SEL1L: variants seen among roughly 807,000 people sequenced by gnomAD.
SEL1L encodes SEL1L adaptor subunit of SYVN1 ubiquitin ligase, also known as protein sel-1 homolog 1.
SEL1L carries 52 observed loss-of-function variants against 109.8 expected under a neutral mutation model. That is an observed-to-expected ratio of 0.47 (90% confidence interval 0.38 to 0.60). SEL1L has a LOEUF of 0.60. Ranked by LOEUF, SEL1L falls within the 20% of genes least tolerant of loss-of-function variation. SEL1L has a pLI of 0.00. For synonymous variants in SEL1L, 373 were observed against 339.6 expected (o/e 1.10, Z -1.08); for missense variants, 749 against 962.2 (o/e 0.78, Z 2.93).
chr14:81,507,020 A>G (rs376324156), intron 3 of SEL1L, among the ~76,000 whole-genome samples: 17 of 152,202 alleles, frequency 1.1e-4, no homozygotes, highest in East Asian at 7.7e-4. Flanking sequence ...GTGCAGGAGT[A>G]GCAGTGAATG....
chr14:81,495,134 C>A lies in SEL1L; in HGVS notation c.1132G>T (p.Gly378Cys). Residue 378 changes from glycine to cysteine, a missense_variant, in exon 11 of 21, where the codon GGT (glycine) becomes TGT (cysteine). By Grantham distance (159) the Gly-to-Cys change is radical. This residue lies in a region of SEL1L where 383 missense variants were observed against 562.5 expected (regional missense o/e 0.68). Transcript: ENST00000336735. ...CCGTGCAGGTGCAGTTGTCCAAGAC[C>A]AACCTGAAAATGATCACAAACAAGG... ...AEKGDVQAQV[G>C]LGQLHLHGGR... The A allele has an allele frequency of 6.2e-7, 1 of 1,613,936 alleles. No homozygotes were observed. Among genetic ancestry groups the A allele is most frequent in the Non-Finnish European group, 8.5e-7 (1 of 1,179,902 alleles).
At chr14:81,516,419 T>C (rs1884703979) in intron 3 of SEL1L, among the ~76,000 whole-genome samples, 1 of 152,214 alleles carries the variant, frequency 6.6e-6, no homozygotes, top group Admixed American at 6.5e-5. Flanking sequence ...CATGCCTTTG[T>C]TATGCCTGGA....
chr14:81,522,262 T>C (rs1411602768), intron 3 of SEL1L, among the ~76,000 whole-genome samples: 1 of 152,186 alleles, frequency 6.6e-6, no homozygotes, highest in African/African-American at 2.4e-5. Context: ...TTATAAAAGT[T>C]TACAGTGGTG....
At chr14:81,510,848 A>G (rs941655355) in intron 3 of SEL1L, among the ~76,000 whole-genome samples, 1 of 152,194 alleles carries the variant, frequency 6.6e-6, no homozygotes, top group Non-Finnish European at 1.5e-5. Context: ...CCTCAAGACA[A>G]CTGTCATAGT....
At chr14:81,480,728 A>T (rs118021816) in intron 19 of SEL1L, among the ~76,000 whole-genome samples, 3 of 152,286 alleles carry the variant, frequency 2.0e-5, no homozygotes, top group Non-Finnish European at 4.4e-5. Flanking sequence ...CAAAAAAAGA[A>T]ACAGATTTTA....
chr14:81,477,080 T>C lies in SEL1L; in HGVS notation c.2277A>G (p.Ile759Met), dbSNP rs538641162. 1.9e-6 allele frequency: 3 copies of C among 1,614,162 alleles called. No individual in the cohort carries two copies. The highest frequency in any genetic ancestry group is 2.5e-6 in the Non-Finnish European group (3 of 1,180,024). The change falls in exon 21 of 21, where the codon ATA (isoleucine) becomes ATG (methionine). Residue 759 changes from isoleucine to methionine, a missense_variant. By Grantham distance (10) the Ile-to-Met change is conservative. Coordinates refer to ENST00000336735, the MANE Select transcript of SEL1L (RefSeq NM_005065.6). ...TIIALLLGTV[I>M]AYRQRQHQDM... Reference sequence around the variant, plus strand: ...CTTGGTGCTGCCTTTGCCTGTAAGCTATGACTGTTCCCAACAGCAGCGCAA... The same window carrying C: ...CTTGGTGCTGCCTTTGCCTGTAAGCCATGACTGTTCCCAACAGCAGCGCAA...
In SEL1L at chr14:81,514,908, C is replaced by T. The variant is rs193025325; in HGVS notation, c.341-8667G>A. On this transcript the variant is annotated intron_variant, in intron 3 of 20. Transcript: ENST00000336735. ...AGGGAAGTATCAATTACAATACTAT[C>T]TTGCAGCTTGACCTTTTCTGTAAGA... 1.1e-4 allele frequency among the ~76,000 whole-genome samples: 17 copies of T among 152,326 alleles called. No homozygotes were observed. In the East Asian group the frequency reaches 3.3e-3, roughly 29 times the overall value.
intron 3 of SEL1L, among the ~76,000 whole-genome samples, chr14:81,520,541 A>C (rs769809749): frequency 5.9e-5 from 9 of 152,222 alleles, no homozygotes; most frequent in Non-Finnish European, 1.2e-4. Flanking sequence ...AACACAAAAG[A>C]AGCAAAAACT....
chr14:81,528,242 G>A (rs1469742400), intron 1 of SEL1L, among the ~76,000 whole-genome samples: 1 of 152,100 alleles, frequency 6.6e-6, no homozygotes, highest in South Asian at 2.1e-4. Flanking sequence ...ATTATTATTT[G>A]ATAGCAGAGT....
At chr14:81,488,305 C>A (rs189717264) in intron 14 of SEL1L, among the ~76,000 whole-genome samples, 4 of 152,264 alleles carry the variant, frequency 2.6e-5, no homozygotes, top group African/African-American at 7.2e-5. Flanking sequence ...AAAATTATCT[C>A]CTTATTCATT....
intron 3 of SEL1L, among the ~76,000 whole-genome samples, chr14:81,514,915 C>T (rs1270142844): frequency 6.6e-6 from 1 of 152,152 alleles, no homozygotes; most frequent in Non-Finnish European, 1.5e-5. Flanking sequence ...TATCTTGCAG[C>T]TTGACCTTTT....
intron 1 of SEL1L, among the ~76,000 whole-genome samples, chr14:81,528,891 G>A (rs1726780454): frequency 1.3e-5 from 2 of 152,098 alleles, no homozygotes; most frequent in African/African-American, 2.4e-5. Context: ...AAAGTACTGA[G>A]TTAAGACTAA....
At chr14:81,528,827 T>C (rs1885216186) in intron 1 of SEL1L, among the ~76,000 whole-genome samples, 1 of 152,158 alleles carries the variant, frequency 6.6e-6, no homozygotes, top group Non-Finnish European at 1.5e-5. Flanking sequence ...TAAATATCAT[T>C]TGTAATTTGC....
rs1903102829 is a variant in SEL1L at position 81,474,580 on chromosome 14, T to C, written c.*2392A>G. 6.6e-6 allele frequency: 1 copy of C among 152,208 alleles called. No individual in the cohort carries two copies. The highest frequency in any genetic ancestry group is 2.4e-5 in the African/African-American group (1 of 41,452). 9.4% of individuals were successfully genotyped at this position (152,208 alleles called of 1,614,324 possible). On this transcript the variant is annotated 3_prime_UTR_variant, in exon 21 of 21. Coordinates refer to ENST00000336735, the MANE Select transcript of SEL1L (RefSeq NM_005065.6). The stretch of plus-strand genomic sequence containing the variant: ...GGATGCCATTTGATTAGGTAAGTAT[T>C]GAGCATTATTTTAGGAGAAAAACCA...
At position 81,497,789 on chromosome 14, in the gene SEL1L, G is replaced by A. The variant is rs527430327; in HGVS notation, c.1128+103C>T. The A allele has an allele frequency of 3.8e-6, 4 of 1,046,932 alleles. No homozygotes were observed. In the South Asian group the frequency reaches 6.7e-5, roughly 17 times the overall value. The allele number at this position is 1,046,932 out of a possible 1,614,324, so 64.9% of individuals were successfully genotyped here. A position where few individuals can be genotyped will look rare whatever the true frequency, so the allele number is the denominator to read the frequency against. On this transcript the variant is annotated intron_variant, in intron 10 of 20. Coordinates refer to ENST00000336735, the MANE Select transcript of SEL1L (RefSeq NM_005065.6). The stretch of plus-strand genomic sequence containing the variant: ...AATATGTAGTTCATAATTGCTCAGG[G>A]CAATGAAAATGTAACTTACAGATAT...
chr14:81,500,502 C>T (rs753842854), intron 6 of SEL1L, among the ~76,000 whole-genome samples: 1 of 151,744 alleles, frequency 6.6e-6, no homozygotes, highest in Non-Finnish European at 1.5e-5. Flanking sequence ...TCCCAAAGTA[C>T]TGGGATTACA....
chr14:81,510,062 G>A (rs1018660727), intron 3 of SEL1L, among the ~76,000 whole-genome samples: 1 of 152,188 alleles, frequency 6.6e-6, no homozygotes, highest in Non-Finnish European at 1.5e-5. Flanking sequence ...GAGTCCTGAG[G>A]CAAGCTCATG....
chr14:81,499,137 T>C (rs1465736131), intron 8 of SEL1L: 12 of 1,042,446 alleles, frequency 1.2e-5, no homozygotes, highest in Non-Finnish European at 8.1e-6. Context: ...ATTTTTAAAA[T>C]TATGATAATC....
chr14:81,522,916 G>C (rs571937230), intron 3 of SEL1L, among the ~76,000 whole-genome samples: 11 of 152,290 alleles, frequency 7.2e-5, no homozygotes, highest in African/African-American at 2.6e-4. Context: ...GTTCAGTACA[G>C]TTGCAACCAC....
Sources: gnomAD v4.1 joint callset for allele counts (sites outside exome capture counted in the v4.1 genomes callset) on GRCh38, gnomAD v4.1.1 for gene constraint, gnomAD v4.1.1 regional missense constraint, MANE v1.5 for transcripts, NCBI Gene and HGNC (gene_info 2026-07-23, HGNC 2026-07-21) for gene names.